The following TENM3 variants were observed in gnomAD, a reference collection of about 807,000 sequenced individuals.
The protein encoded by TENM3 is teneurin-3.
Under a neutral mutation model 255.1 loss-of-function variants are expected in TENM3, and 63 were observed. The observed-to-expected ratio is 0.25, with a 90% CI of 0.20 to 0.30. The LOEUF (loss-of-function observed/expected upper bound fraction) is 0.30, where lower values mean the gene tolerates loss of function less well. Ranked by LOEUF, TENM3 falls within the 10% of genes least tolerant of loss-of-function variation. TENM3 has a pLI of 1.00. For synonymous variants in TENM3, 1,306 were observed against 1,322.3 expected, an observed-to-expected ratio of 0.99 and a Z score of 0.27; for missense variants, 2,929 against 3,461.1, an observed-to-expected ratio of 0.85 and a Z score of 3.86.
At chr4:182,306,558 A>G (rs1762144696) in intron 1 of TENM3, among the ~76,000 whole-genome samples, 1 of 152,184 alleles carries the variant, frequency 6.6e-6, no homozygotes, top group African/African-American at 2.4e-5. Context: ...TTTCATTATA[A>G]TAATTTGAAC....
intron 1 of TENM3, among the ~76,000 whole-genome samples, chr4:182,249,726 T>A (rs1297451334): frequency 6.6e-6 from 1 of 152,170 alleles, no homozygotes; most frequent in Non-Finnish European, 1.5e-5. Context: ...ATTGTGATGT[T>A]TTTATATAAA....
At chr4:182,474,708 G>T (rs1235215941) in intron 3 of TENM3, among the ~76,000 whole-genome samples, 4 of 152,128 alleles carry the variant, frequency 2.6e-5, no homozygotes, top group African/African-American at 7.2e-5. Flanking sequence ...GACACATAGA[G>T]TTCATGCCTA....
chr4:181,844,474 T>C, the TENM3 span, among the ~76,000 whole-genome samples: 42,500 of 151,668 alleles, frequency 0.28, 7,346 homozygotes, highest in Non-Finnish European at 0.39. Flanking sequence ...CGAGACCATC[T>C]TGGCTAACAC....
chr4:181,894,778 T>C, the TENM3 span, among the ~76,000 whole-genome samples: 3 of 151,400 alleles, frequency 2.0e-5, no homozygotes, highest in Admixed American at 6.6e-5. Flanking sequence ...CAGCTTACGA[T>C]AGAATGATAT....
chr4:181,637,570 G>A, the TENM3 span, among the ~76,000 whole-genome samples: 1 of 152,280 alleles, frequency 6.6e-6, no homozygotes, highest in Non-Finnish European at 1.5e-5. Context: ...TCACACTGTG[G>A]GAGGAAAAGC....
At position 182,560,540 on chromosome 4, in the gene TENM3, CA is replaced by C. The variant is rs1391695948; in HGVS notation, c.512-40381del. On this transcript the variant is annotated intron_variant, in intron 3 of 27. Coordinates refer to ENST00000511685, the MANE Select transcript of TENM3 (RefSeq NM_001080477.4). ...AGGGAAGAGAAGTTTTCAAGAGAGGCAAAGGCACAGTTTCCCTTTTTCTTTC... is the reference window on the plus strand; with the variant it reads ...AGGGAAGAGAAGTTTTCAAGAGAGGCAAGGCACAGTTTCCCTTTTTCTTTC... Among the ~76,000 whole-genome samples the C allele has an allele frequency of 3.3e-5, 5 of 152,162 alleles. No homozygotes were observed. The East Asian group carries it at 9.6e-4, about 29-fold the overall frequency.
intron 1 of TENM3, among the ~76,000 whole-genome samples, chr4:182,303,746 T>C (rs901855135): frequency 6.6e-6 from 1 of 152,192 alleles, no homozygotes; most frequent in African/African-American, 2.4e-5. Context: ...ATAAGGCATG[T>C]AAAGTGGACA....
chr4:182,622,277 G>A (rs534781291), intron 4 of TENM3, among the ~76,000 whole-genome samples: 1 of 151,338 alleles, frequency 6.6e-6, no homozygotes, highest in African/African-American at 2.4e-5. Flanking sequence ...CTCCCAGGAG[G>A]CGGAGGTTGC....
chr4:182,149,342 G>A (rs73001416), intron 1 of TENM3, among the ~76,000 whole-genome samples: 1,572 of 151,984 alleles, frequency 0.01, 21 homozygotes, highest in African/African-American at 0.036. Flanking sequence ...AACTACAATA[G>A]GATTCATTCT....
upstream of TENM3, among the ~76,000 whole-genome samples, chr4:182,140,986 T>TCCCCC (rs199951374): frequency 1.0e-3 from 121 of 115,546 alleles, no homozygotes; most frequent in South Asian, 1.6e-3. Context: ...GCCCATTATA[T>TCCCCC]CCCTCCCCCC....
the TENM3 span, among the ~76,000 whole-genome samples, chr4:181,784,586 T>A: frequency 6.6e-6 from 1 of 152,178 alleles, no homozygotes; most frequent in Admixed American, 6.6e-5. Context: ...CCTTTCAAAT[T>A]ATTCTCCCCT....
chr4:181,781,178 T>A, the TENM3 span, among the ~76,000 whole-genome samples: 1 of 152,216 alleles, frequency 6.6e-6, no homozygotes, highest in East Asian at 1.9e-4. Flanking sequence ...GGTAGCTTAA[T>A]GAGGATGGCA....
chr4:182,509,661 G>C (rs1431883481), intron 3 of TENM3, among the ~76,000 whole-genome samples: 3 of 152,188 alleles, frequency 2.0e-5, no homozygotes, highest in African/African-American at 7.2e-5. Context: ...AAATGGGTCA[G>C]ACGCAGTGGC....
chr4:181,656,880 C>T, the TENM3 span, among the ~76,000 whole-genome samples: 13 of 152,148 alleles, frequency 8.5e-5, no homozygotes, highest in Non-Finnish European at 1.6e-4. Flanking sequence ...TTAGTATGTG[C>T]CAGGTAGGTT....
At chr4:182,125,611 G>T in the TENM3 span, among the ~76,000 whole-genome samples, 1 of 152,132 alleles carries the variant, frequency 6.6e-6, no homozygotes, top group African/African-American at 2.4e-5. Flanking sequence ...GGATTTAAAG[G>T]AGATGAGAGT....
At chr4:182,714,379 G>A in intron 13 of TENM3, 146 bp downstream of exon 13, 1 of 660,838 alleles carries the variant, frequency 1.5e-6, no homozygotes, top group African/African-American at 1.9e-5. Context: ...AAATGTATGA[G>A]TGCTGATAGA....
At chr4:181,710,489 G>A in the TENM3 span, among the ~76,000 whole-genome samples, 29 of 152,066 alleles carry the variant, frequency 1.9e-4, no homozygotes, top group African/African-American at 5.1e-4. Flanking sequence ...AGGCTGAGGC[G>A]GGCGGATCAC....
At chr4:181,570,795 A>G in the TENM3 span, among the ~76,000 whole-genome samples, 2 of 152,168 alleles carry the variant, frequency 1.3e-5, no homozygotes, top group African/African-American at 4.8e-5. Flanking sequence ...ACACAATTCG[A>G]TCTGCAAGAC....
intron 5 of TENM3, among the ~76,000 whole-genome samples, chr4:182,635,733 T>G (rs1751789082): frequency 6.6e-6 from 1 of 152,186 alleles, no homozygotes; most frequent in Non-Finnish European, 1.5e-5. Flanking sequence ...TTTAACAACA[T>G]AAGCATTCCC....
Sources: allele counts gnomAD v4.1 joint callset (sites outside exome capture counted in the v4.1 genomes callset), GRCh38; gene constraint gnomAD v4.1.1; transcripts MANE v1.5; gene names NCBI Gene and HGNC (gene_info 2026-07-23, HGNC 2026-07-21).